Variants in C1QTNF8 observed in about 807,000 individuals in gnomAD.
C1QTNF8 encodes complement C1q tumor necrosis factor-related protein 8.
In C1QTNF8, 27 loss-of-function variants were observed where a neutral mutation model predicts 19.2. The observed-to-expected ratio is 1.41, with a 90% confidence interval of 1.04 to 1.94. The LOEUF (loss-of-function observed/expected upper bound fraction) is 1.94, where lower values mean the gene tolerates loss of function less well. C1QTNF8 is among the 30% of genes most tolerant of loss of function. The pLI is 0.00. For missense variants in C1QTNF8, 484 were observed against 374.4 expected (o/e 1.29, Z -2.42); for synonymous variants, 208 against 172.8 (o/e 1.20, Z -1.60).
chr16:1,089,733 C>A lies in C1QTNF8; in HGVS notation c.*866G>T, dbSNP rs1401098143. Among the ~76,000 whole-genome samples the A allele has an allele frequency of 1.3e-5, 2 of 152,184 alleles. No homozygotes were observed. The highest frequency in any genetic ancestry group is 4.1e-4 in the South Asian group (2 of 4,830). ...GGGCTTCTCTCCTGGCACCTCTTAGCGCCACCGGCCGTCAGCACACGGGGT... is the reference window on the plus strand; with the variant it reads ...GGGCTTCTCTCCTGGCACCTCTTAGAGCCACCGGCCGTCAGCACACGGGGT... On this transcript the variant is annotated 3_prime_UTR_variant, in exon 5 of 5. Transcript: ENST00000328449.
intron 4 of C1QTNF8, among the ~76,000 whole-genome samples, chr16:1,091,733 A>G (rs1376429982): frequency 6.6e-6 from 1 of 151,994 alleles, no homozygotes; most frequent in Non-Finnish European, 1.5e-5. Flanking sequence ...ATCTTCCTCC[A>G]GCCCCCACAC....
intron 1 of C1QTNF8, 141 bp from the exon 2 acceptor site, chr16:1,095,929 A>G (rs1960676615): frequency 6.6e-6 from 1 of 152,244 alleles, no homozygotes; most frequent in African/African-American, 2.4e-5. Flanking sequence ...CTCCTCCGGC[A>G]GAGGGAGCCT....
chr16:1,094,038 C>T lies in C1QTNF8; in HGVS notation c.222G>A (p.Glu74=). ...DIEILKGEKG[E]AGVRGRAGRS... ...TGCCGGCCCGACCTCGGACGCCGGC[C>T]TCACCCTTCTCACCTGCAGGGGACA... Residue 74 remains glutamate (E), a synonymous_variant, in exon 4 of 5, where the codon GAG becomes GAA. Coordinates refer to ENST00000328449, the MANE Select transcript of C1QTNF8 (RefSeq NM_207419.3). 1 of 1,460,310 alleles carries T rather than the reference C, an allele frequency of 6.8e-7. No individual in the cohort carries two copies. Among genetic ancestry groups the T allele is most frequent in the South Asian group, 1.5e-5 (1 of 67,990 alleles). 90.5% of individuals were successfully genotyped at this position (1,460,310 alleles called of 1,614,324 possible).
Position 1,093,949 on chromosome 16 carries a change from T to C in C1QTNF8, c.311A>G (p.Gln104Arg). The C allele has an allele frequency of 1.3e-6, 2 of 1,503,022 alleles. No homozygotes were observed. The highest frequency in any genetic ancestry group is 1.8e-6 in the Non-Finnish European group (2 of 1,137,670). 93.1% of individuals were successfully genotyped at this position (1,503,022 alleles called of 1,614,324 possible). The change falls in exon 4 of 5, where the codon CAG becomes CGG. Residue 104 changes from glutamine (Q) to arginine (R), a missense_variant. Physicochemically the swap from Gln to Arg is conservative, Grantham distance 43. Transcript: ENST00000328449. Reference sequence around the variant, plus strand: ...GCACGCGGCGCCCGGCGGCCCCACCTGCCCCTTCTGGCCTCTGCGGCCCTG... The same window carrying C: ...GCACGCGGCGCCCGGCGGCCCCACCCGCCCCTTCTGGCCTCTGCGGCCCTG... ...GLQGRRGQKGQVGPPGAACRR... is the reference protein window; with the variant it reads ...GLQGRRGQKGRVGPPGAACRR...
rs1011474235 is a variant in C1QTNF8 at position 1,090,006 on chromosome 16, T to C, written c.*593A>G. ...GCCTGAGGCCCCGCCCACCTCAGTG[T>C]GGGGCGAAGGAGAGGGAAGGTTCCG... On this transcript the variant is annotated 3_prime_UTR_variant, in exon 5 of 5. Transcript: ENST00000328449. The C allele has an allele frequency of 6.6e-5, 10 of 152,328 alleles. No individual in the cohort carries two copies. The highest frequency in any genetic ancestry group is 2.2e-4 in the African/African-American group (9 of 41,434). 9.4% of individuals were successfully genotyped at this position (152,328 alleles called of 1,614,324 possible). A position where few individuals can be genotyped will look rare whatever the true frequency, so the allele number is the denominator to read the frequency against.
chr16:1,090,622 G>A (rs1427069549), intron 4 of C1QTNF8, 28 bp from the exon 5 acceptor site: 4 of 152,316 alleles, frequency 2.6e-5, no homozygotes, highest in Admixed American at 6.5e-5. Context: ...CACTTCCTGA[G>A]GGTGGGGCTG....
rs1246172765 is a variant in C1QTNF8, at chr16:1,093,812, C to G, written c.448G>C (p.Asp150His). Residue 150 changes from aspartate to histidine, a missense_variant, in exon 4 of 5, where the codon GAC becomes CAC. Physicochemically the swap from Asp to His is moderately conservative, Grantham distance 81 (BLOSUM62 -1). Transcript: ENST00000328449. The part of the protein sequence containing the change: ...TELVNLDGAF[D>H]LAAGRFLCTV... ...CAGAGGAAGCGGCCCGCGGCCAGGT[C>G]GAAGGCGCCGTCCAGGTTCACCAGC... 6.2e-7 allele frequency: 1 copy of G among 1,610,346 alleles called. No homozygotes were observed. The highest frequency in any genetic ancestry group is 1.7e-5 in the Admixed American group (1 of 59,988).
In C1QTNF8 at chr16:1,093,657, G is replaced by A. The variant is rs1196487558; in HGVS notation, c.603C>T (p.Val201=). The A allele has an allele frequency of 1.9e-6, 3 of 1,611,372 alleles. No individual in the cohort carries two copies. The highest frequency in any genetic ancestry group is 1.7e-6 in the Non-Finnish European group (2 of 1,179,342). ...VLYAQPSERS[V]MQAQSLMLLL... is the part of the protein sequence containing the mutation. ...GCAGCATCAGGCTCTGGGCCTGCATGACGCTGCGCTCGCTGGGCTGCGCGT... is the reference window on the plus strand; with the variant it reads ...GCAGCATCAGGCTCTGGGCCTGCATAACGCTGCGCTCGCTGGGCTGCGCGT... The change falls in exon 4 of 5, where the codon GTC becomes GTT. Residue 201 remains valine (V), a synonymous_variant. Coordinates refer to ENST00000328449, the MANE Select transcript of C1QTNF8 (RefSeq NM_207419.3).
At chr16:1,091,522 G>A (rs1170089016) in intron 4 of C1QTNF8, among the ~76,000 whole-genome samples, 2 of 152,102 alleles carry the variant, frequency 1.3e-5, no homozygotes, top group African/African-American at 2.4e-5. Context: ...AGCCGGGGAG[G>A]GTAACAGAGG....
intron 4 of C1QTNF8, among the ~76,000 whole-genome samples, chr16:1,093,234 C>T (rs1023328443): frequency 2.7e-5 from 4 of 149,560 alleles, no homozygotes; most frequent in Non-Finnish European, 5.9e-5. Flanking sequence ...AATCACAGCA[C>T]ACAGTCGGCG....
intron 4 of C1QTNF8, among the ~76,000 whole-genome samples, chr16:1,092,200 C>G (rs943849453): frequency 6.6e-6 from 1 of 152,214 alleles, no homozygotes; most frequent in African/African-American, 2.4e-5. Flanking sequence ...AGGGCAGGTG[C>G]GGGTCAGACT....
intron 4 of C1QTNF8, among the ~76,000 whole-genome samples, chr16:1,093,257 C>G (rs112912803): frequency 7.6e-6 from 1 of 130,996 alleles, no homozygotes; most frequent in African/African-American, 3.7e-5. Flanking sequence ...CAACCAATCC[C>G]TGCACACAGT....
chr16:1,092,677 AGTCG>A (rs1960576552), intron 4 of C1QTNF8, among the ~76,000 whole-genome samples: 1 of 127,328 alleles, frequency 7.9e-6, no homozygotes, highest in Non-Finnish European at 1.6e-5. Flanking sequence ...CACAGCACAC[AGTCG>A]GCGCTCAACC....
intron 2 of C1QTNF8, among the ~76,000 whole-genome samples, chr16:1,095,137 C>T (rs1567394085): frequency 6.6e-6 from 1 of 152,220 alleles, no homozygotes; most frequent in African/African-American, 2.4e-5. Flanking sequence ...GCACCAGGCA[C>T]CCTGCACACC....
intron 4 of C1QTNF8, 73 bp downstream of exon 4, chr16:1,093,398 ACCCACACACACACACCCACACCCACC>A (rs1960600789): frequency 1.2e-4 from 14 of 121,380 alleles, no homozygotes; most frequent in Admixed American, 4.5e-4. Flanking sequence ...ACCCACACCC[ACCCACACACACACACCCACACCCACC>A]CCCACACACA....
intron 4 of C1QTNF8, 59 bp downstream of exon 4, chr16:1,093,438 A>ACC: frequency 9.3e-7 from 1 of 1,076,048 alleles, no homozygotes; most frequent in South Asian, 1.6e-5. Flanking sequence ...ACACACACAC[A>ACC]CACAGACACA....
rs1013841173 is a variant in C1QTNF8 at position 1,088,753 on chromosome 16, C to G, written c.*1846G>C. 6.6e-6 allele frequency among the ~76,000 whole-genome samples: 1 copy of G among 152,226 alleles called. No homozygotes were observed. Among genetic ancestry groups the G allele is most frequent in the East Asian group, 1.9e-4 (1 of 5,192 alleles). On this transcript the variant is annotated 3_prime_UTR_variant, in exon 5 of 5. Transcript: ENST00000328449. Reference sequence around the variant, plus strand: ...ATTCATTAGACACCCCCGCCAGCTTCCAAGAGACCTTGCACCCCTGCCCGC... The same window carrying G: ...ATTCATTAGACACCCCCGCCAGCTTGCAAGAGACCTTGCACCCCTGCCCGC...
intron 4 of C1QTNF8, 45 bp downstream of exon 4, chr16:1,093,452 A>ACGCGCG (rs776067091): frequency 8.1e-7 from 1 of 1,229,956 alleles, no homozygotes. Flanking sequence ...AGACACACAC[A>ACGCGCG]CACACGCGCG....
At chr16:1,094,639 C>G (rs1345605336) in intron 3 of C1QTNF8, 76 bp downstream of exon 3, 32 of 1,291,846 alleles carry the variant, frequency 2.5e-5, no homozygotes, top group Non-Finnish European at 3.1e-5. Context: ...TCCTCCCAAG[C>G]CCCAGGTGCT....
Sources: gnomAD v4.1 joint callset for allele counts (sites outside exome capture counted in the v4.1 genomes callset) on GRCh38, gnomAD v4.1.1 for gene constraint, MANE v1.5 for transcripts, NCBI Gene and HGNC (gene_info 2026-07-23, HGNC 2026-07-21) for gene names.